Variants in CTNNA3 observed in about 807,000 individuals in gnomAD.
CTNNA3 encodes the protein catenin alpha 3.
Under a neutral mutation model 95.7 loss-of-function variants are expected in CTNNA3, and 76 were observed. That is an observed-to-expected ratio of 0.79 (90% CI 0.66 to 0.96). CTNNA3 has a LOEUF of 0.96. Among genes scored for constraint, CTNNA3 ranks in the 40% least tolerant of loss-of-function variants. The pLI is 0.00. For synonymous variants in CTNNA3, 431 were observed against 374.4 expected (o/e 1.15, Z -1.74); for missense variants, 1,191 against 1,089.8 (o/e 1.09, Z -1.31).
chr10:66,677,574 C>A (rs977299697), intron 9 of CTNNA3, among the ~76,000 whole-genome samples: 2 of 152,044 alleles, frequency 1.3e-5, no homozygotes, highest in African/African-American at 4.8e-5. Context: ...GTGGGCGGAG[C>A]TTTCCCATGC....
intron 1 of CTNNA3, among the ~76,000 whole-genome samples, chr10:67,741,441 C>T (rs1459690565): frequency 6.7e-6 from 1 of 150,028 alleles, no homozygotes; most frequent in East Asian, 1.9e-4. Context: ...AAATACTTTA[C>T]AGACAAGCAA....
rs368139631 is a variant in CTNNA3, at chr10:66,536,899, T to C, written c.1375-16126A>G. Reference sequence around the variant, plus strand: ...CTCTCTTCTATTATACAACTGGGTATATAGGAAGGAATTTTATGTATCCTA... The same window carrying C: ...CTCTCTTCTATTATACAACTGGGTACATAGGAAGGAATTTTATGTATCCTA... On this transcript the variant is annotated intron_variant, in intron 10 of 17. Coordinates refer to ENST00000433211, the MANE Select transcript of CTNNA3 (RefSeq NM_013266.4). 7.2e-5 allele frequency among the ~76,000 whole-genome samples: 11 copies of C among 152,288 alleles called. No individual in the cohort carries two copies. The East Asian group carries it at 2.1e-3, about 29-fold the overall frequency.
At chr10:67,352,106 G>A (rs9299486) in intron 5 of CTNNA3, among the ~76,000 whole-genome samples, 123,105 of 151,864 alleles carry the variant, frequency 0.81, 52,217 homozygotes, top group East Asian at 0.99. Context: ...CAAGTAATAA[G>A]CAAATATACT....
intron 10 of CTNNA3, among the ~76,000 whole-genome samples, chr10:66,557,226 G>GA (rs1187598997): frequency 1.3e-5 from 2 of 151,928 alleles, no homozygotes; most frequent in Non-Finnish European, 2.9e-5. Flanking sequence ...ACAAAATGGG[G>GA]AAAAACAATA....
chr10:66,318,373 A>C (rs1179788442), intron 12 of CTNNA3, among the ~76,000 whole-genome samples: 1 of 151,592 alleles, frequency 6.6e-6, no homozygotes, highest in African/African-American at 2.4e-5. Flanking sequence ...CTATAATCCC[A>C]GTGGTCAATA....
At position 67,448,792 on chromosome 10, in the gene CTNNA3, TA is replaced by T. The variant is rs1312507638; in HGVS notation, c.579+73049del. On this transcript the variant is annotated intron_variant, in intron 5 of 17. Transcript: ENST00000433211. Reference sequence around the variant, plus strand: ...ATAGGATTTCTTATCAAAAACTTGATAAAAAATTACTATTTATTATAGATAT... The same window carrying T: ...ATAGGATTTCTTATCAAAAACTTGATAAAAATTACTATTTATTATAGATAT... Among the ~76,000 whole-genome samples the T allele has an allele frequency of 6.0e-5, 9 of 149,592 alleles. No homozygotes were observed. In the East Asian group the frequency reaches 1.4e-3, roughly 23 times the overall value.
intron 7 of CTNNA3, among the ~76,000 whole-genome samples, chr10:66,831,711 A>C (rs919618622): frequency 6.6e-6 from 1 of 152,222 alleles, no homozygotes; most frequent in African/African-American, 2.4e-5. Flanking sequence ...GGGAAGGAGC[A>C]TGAGATGCAG....
At chr10:66,785,571 C>G (rs538998720) in intron 7 of CTNNA3, among the ~76,000 whole-genome samples, 42 of 152,236 alleles carry the variant, frequency 2.8e-4, no homozygotes, top group African/African-American at 1.0e-3. Context: ...CCCTCCCTCA[C>G]CCCTTAACCT....
At chr10:66,823,859 G>C (rs1842389274) in intron 7 of CTNNA3, among the ~76,000 whole-genome samples, 1 of 152,070 alleles carries the variant, frequency 6.6e-6, no homozygotes, top group African/African-American at 2.4e-5. Context: ...AGAGGGGCCA[G>C]AATCAAACCT....
At chr10:66,315,160 AT>A in intron 12 of CTNNA3, among the ~76,000 whole-genome samples, 1 of 152,002 alleles carries the variant, frequency 6.6e-6, no homozygotes, top group East Asian at 1.9e-4. Flanking sequence ...GAAGTAAGTA[AT>A]TTTCCTCCTT....
chr10:66,586,797 G>A (rs1229296703), intron 10 of CTNNA3, among the ~76,000 whole-genome samples: 6 of 152,096 alleles, frequency 3.9e-5, no homozygotes, highest in East Asian at 1.9e-4. Context: ...TGTCTCTCCC[G>A]AAAGAAACTT....
At chr10:66,133,187 T>C (rs1039149106) in intron 13 of CTNNA3, among the ~76,000 whole-genome samples, 1 of 152,052 alleles carries the variant, frequency 6.6e-6, no homozygotes, top group African/African-American at 2.4e-5. Context: ...CTAATAAAAA[T>C]ACTACAAGAT....
At chr10:67,059,964 G>GAATCA (rs1855665921) in intron 7 of CTNNA3, among the ~76,000 whole-genome samples, 1 of 152,106 alleles carries the variant, frequency 6.6e-6, no homozygotes, top group Non-Finnish European at 1.5e-5. Flanking sequence ...AATATGTTGA[G>GAATCA]GGAGATAAAA....
chr10:66,677,777 T>C (rs908274711), intron 9 of CTNNA3, among the ~76,000 whole-genome samples: 5 of 152,120 alleles, frequency 3.3e-5, no homozygotes, highest in Admixed American at 1.3e-4. Context: ...TTCTTTCCTT[T>C]ATAAATTACC....
intron 9 of CTNNA3, among the ~76,000 whole-genome samples, chr10:66,626,117 G>A (rs533065483): frequency 1.1e-4 from 17 of 152,068 alleles, no homozygotes; most frequent in Non-Finnish European, 1.2e-4. Context: ...ATGTTTTAAC[G>A]TTCTAGTATT....
rs1018944863 is a variant in CTNNA3 at position 66,427,360 on chromosome 10, C to T, written c.1532-48008G>A. Among the ~76,000 whole-genome samples, 23 of 151,780 alleles carry T rather than the reference C, an allele frequency of 1.5e-4. 1 individual carries two copies. The highest frequency in any genetic ancestry group is 5.6e-4 in the African/African-American group (23 of 41,332). On this transcript the variant is annotated intron_variant, in intron 11 of 17. Coordinates refer to ENST00000433211, the MANE Select transcript of CTNNA3 (RefSeq NM_013266.4). The stretch of plus-strand genomic sequence containing the variant: ...ATATGGACTCACAGTACTATCTTGG[C>T]TTATATTCTGTTAGTTGTATTTGTA...
Position 67,583,534 on chromosome 10 carries a change from G to T in CTNNA3, c.292+23323C>A, listed in dbSNP as rs145411573. Among the ~76,000 whole-genome samples the T allele has an allele frequency of 2.6e-5, 4 of 152,172 alleles. 1 individual carries two copies. Among genetic ancestry groups the T allele is most frequent in the African/African-American group, 7.2e-5 (3 of 41,514 alleles). ...ATTTTGGTGAATCTGACAATTATAT[G>T]TCTTGTAGTTGCTCTTGTTGAGTAG... On this transcript the variant is annotated intron_variant, in intron 3 of 17. Transcript: ENST00000433211.
intron 11 of CTNNA3, among the ~76,000 whole-genome samples, chr10:66,446,217 G>A (rs1278839225): frequency 2.0e-5 from 3 of 152,124 alleles, no homozygotes; most frequent in African/African-American, 7.2e-5. Flanking sequence ...AGGACCAGAT[G>A]GATTCACAGC....
chr10:67,176,495 T>C (rs1208402060), intron 7 of CTNNA3, among the ~76,000 whole-genome samples: 1 of 152,206 alleles, frequency 6.6e-6, no homozygotes, highest in Non-Finnish European at 1.5e-5. Flanking sequence ...ATGCTGTCTA[T>C]AATGGATTCG....
Sources: gnomAD v4.1 joint callset for allele counts (sites outside exome capture counted in the v4.1 genomes callset) on GRCh38, gnomAD v4.1.1 for gene constraint, MANE v1.5 for transcripts, NCBI Gene and HGNC (gene_info 2026-07-23, HGNC 2026-07-21) for gene names.